RBL1: variants seen among roughly 807,000 people sequenced by gnomAD.
The protein encoded by RBL1 is retinoblastoma-like protein 1.
In RBL1, 82 loss-of-function variants were observed where a neutral mutation model predicts 123.0. The ratio of observed to expected loss-of-function variants is 0.67; its 90% CI spans 0.56 to 0.80. The LOEUF (loss-of-function observed/expected upper bound fraction) is 0.80, where lower values mean the gene tolerates loss of function less well. RBL1 is among the 30% of genes least tolerant of loss of function. The pLI is 0.00. For missense variants in RBL1, 1,171 were observed against 1,299.6 expected, an observed-to-expected ratio of 0.90 and a Z score of 1.52; for synonymous variants, 405 against 441.3, an observed-to-expected ratio of 0.92 and a Z score of 1.03.
chr20:37,067,073 A>G lies in RBL1; in HGVS notation c.605T>C (p.Leu202Pro). 6.2e-7 allele frequency: 1 copy of G among 1,610,998 alleles called. No homozygotes were observed. The highest frequency in any genetic ancestry group is 8.5e-7 in the Non-Finnish European group (1 of 1,178,456). Residue 202 changes from leucine to proline, a missense_variant, in exon 5 of 22, where the codon CTT becomes CCT. By Grantham distance (98) the Leu-to-Pro change is moderately conservative. Coordinates refer to ENST00000373664, the MANE Select transcript of RBL1 (RefSeq NM_002895.5). ...AAAAATCAGATCCAAGCAGCATAGAAGTAAATGATAAGAGTTTACTAAGTC... is the reference window on the plus strand; with the variant it reads ...AAAAATCAGATCCAAGCAGCATAGAGGTAAATGATAAGAGTTTACTAAGTC... ...GDDLVNSYHL[L>P]LCCLDLIFAN...
At chr20:37,095,671 T>C (rs1008452642) in intron 1 of RBL1, 102 bp downstream of exon 1, 17 of 1,118,754 alleles carry the variant, frequency 1.5e-5, no homozygotes, top group African/African-American at 4.7e-5. Flanking sequence ...GCGACCCTCC[T>C]AGGTGGGGAA....
chr20:37,043,369 TA>T (rs1343936920), intron 13 of RBL1, among the ~76,000 whole-genome samples: 2 of 151,692 alleles, frequency 1.3e-5, no homozygotes, highest in East Asian at 3.9e-4. Context: ...GGTGGGTGCC[TA>T]TAATCCCAGC....
chr20:37,042,904 CTCCA>C (rs2146264403), intron 13 of RBL1, among the ~76,000 whole-genome samples: 1 of 77,734 alleles, frequency 1.3e-5, no homozygotes, highest in East Asian at 2.6e-4. Context: ...GTCCCCCCCC[CTCCA>C]AAAAAAAAAA....
intron 19 of RBL1, 104 bp downstream of exon 19, chr20:37,018,175 C>G (rs1311413261): frequency 3.1e-6 from 4 of 1,298,180 alleles, no homozygotes; most frequent in Non-Finnish European, 3.0e-6. Flanking sequence ...TTGTCCACCT[C>G]ACCTCCTTAT....
intron 19 of RBL1, among the ~76,000 whole-genome samples, chr20:37,012,957 G>A (rs1309762899): frequency 6.6e-6 from 1 of 151,650 alleles, no homozygotes; most frequent in Non-Finnish European, 1.5e-5. Context: ...CCGTCCGGGA[G>A]GGAGGTGGGG....
chr20:37,090,168 T>C (rs758062618), intron 1 of RBL1, among the ~76,000 whole-genome samples: 1 of 152,216 alleles, frequency 6.6e-6, no homozygotes, highest in Non-Finnish European at 1.5e-5. Flanking sequence ...TATAGTTGCC[T>C]ATAGTGTTCA....
intron 19 of RBL1, among the ~76,000 whole-genome samples, chr20:37,016,411 A>G (rs2064254411): frequency 6.6e-6 from 1 of 152,220 alleles, no homozygotes; most frequent in Non-Finnish European, 1.5e-5. Flanking sequence ...AGTTTGGCCT[A>G]TTATCCTCAA....
chr20:37,037,995 T>G (rs1237032491), intron 14 of RBL1, among the ~76,000 whole-genome samples: 1 of 146,206 alleles, frequency 6.8e-6, no homozygotes, highest in Non-Finnish European at 1.5e-5. Flanking sequence ...ATTGTTTTTT[T>G]TTTTTTTTTT....
chr20:37,005,406 CAAAAA>C (rs200205174), intron 20 of RBL1, among the ~76,000 whole-genome samples: 1 of 104,740 alleles, frequency 9.5e-6, no homozygotes, highest in African/African-American at 3.5e-5. Flanking sequence ...GACTCCTTCT[CAAAAA>C]AAAAAAAAAA....
At chr20:37,033,981 C>T (rs1157233420) in intron 15 of RBL1, among the ~76,000 whole-genome samples, 1 of 150,082 alleles carries the variant, frequency 6.7e-6, no homozygotes, top group Admixed American at 6.7e-5. Flanking sequence ...CTCTGTTGTC[C>T]TGGCTGGAGT....
At chr20:37,067,344 A>G (rs2065195329) in intron 3 of RBL1, 47 bp from the exon 4 acceptor site, 1 of 1,369,630 alleles carries the variant, frequency 7.3e-7, no homozygotes, top group East Asian at 2.3e-5. Flanking sequence ...CTCGCTAAAT[A>G]TCATGTAAAC....
chr20:37,065,559 T>C (rs768790301), intron 6 of RBL1, 86 bp from the exon 7 acceptor site: 47 of 843,218 alleles, frequency 5.6e-5, no homozygotes, highest in Non-Finnish European at 8.4e-5. Context: ...AATTTCCATA[T>C]TGTTATAACA....
chr20:37,059,590 G>A (rs1280040670), intron 9 of RBL1, among the ~76,000 whole-genome samples: 1 of 152,076 alleles, frequency 6.6e-6, no homozygotes, highest in Non-Finnish European at 1.5e-5. Context: ...CAAATCTGAA[G>A]TATTGATGAG....
intron 19 of RBL1, among the ~76,000 whole-genome samples, chr20:37,015,579 C>T (rs1045326388): frequency 5.3e-5 from 8 of 151,616 alleles, no homozygotes; most frequent in East Asian, 3.9e-4. Context: ...TACAGGCGCC[C>T]GCCACCACGC....
intron 11 of RBL1, among the ~76,000 whole-genome samples, chr20:37,054,000 G>A (rs1416286820): frequency 6.0e-5 from 9 of 149,350 alleles, no homozygotes; most frequent in African/African-American, 9.8e-5. Flanking sequence ...TTTGGTTATG[G>A]TTAATCTATG....
intron 11 of RBL1, among the ~76,000 whole-genome samples, chr20:37,049,064 G>T (rs1162457611): frequency 6.6e-6 from 1 of 151,964 alleles, no homozygotes; most frequent in African/African-American, 2.4e-5. Flanking sequence ...TTAGCTGGGC[G>T]TGGTGGCATA....
chr20:37,028,886 C>T (rs2064463328), intron 16 of RBL1, among the ~76,000 whole-genome samples: 1 of 152,084 alleles, frequency 6.6e-6, no homozygotes, highest in Non-Finnish European at 1.5e-5. Context: ...ATAGCAAAGC[C>T]AGACAAAGAA....
intron 17 of RBL1, chr20:37,022,043 G>C (rs189942126): frequency 5.3e-5 from 8 of 152,088 alleles, no homozygotes; most frequent in Admixed American, 2.0e-4. Context: ...TTTTTACAGA[G>C]ATTTCAAAGA....
intron 11 of RBL1, among the ~76,000 whole-genome samples, chr20:37,051,650 C>G (rs2064916070): frequency 6.6e-6 from 1 of 151,252 alleles, no homozygotes; most frequent in African/African-American, 2.4e-5. Context: ...AAAAAAAAAT[C>G]TTTACAAGGC....
Sources: allele counts gnomAD v4.1 joint callset (sites outside exome capture counted in the v4.1 genomes callset), GRCh38; gene constraint gnomAD v4.1.1; transcripts MANE v1.5; gene names NCBI Gene and HGNC (gene_info 2026-07-23, HGNC 2026-07-21).